PRKCE: variants seen among roughly 807,000 people sequenced by gnomAD.
PRKCE encodes the protein protein kinase C epsilon type.
PRKCE carries 16 observed loss-of-function variants against 85.4 expected under a neutral mutation model. That is an observed-to-expected ratio of 0.19 (90% CI 0.13 to 0.28). The LOEUF (loss-of-function observed/expected upper bound fraction) is 0.28. PRKCE is among the 10% of genes least tolerant of loss of function. The pLI, the probability that PRKCE is intolerant of heterozygous loss-of-function variation, is 1.00. For missense variants in PRKCE, 573 were observed against 975.2 expected, an observed-to-expected ratio of 0.59 and a Z score of 5.49; for synonymous variants, 388 against 371.5, an observed-to-expected ratio of 1.04 and a Z score of -0.51.
intron 2 of PRKCE, among the ~76,000 whole-genome samples, chr2:45,929,744 A>G (rs1223769184): frequency 6.6e-6 from 1 of 151,552 alleles, no homozygotes; most frequent in Non-Finnish European, 1.5e-5. Flanking sequence ...ACCTCATATA[A>G]TTATCTCTAA....
At chr2:46,110,649 GT>G (rs1291120917) in intron 11 of PRKCE, among the ~76,000 whole-genome samples, 1 of 151,070 alleles carries the variant, frequency 6.6e-6, no homozygotes, top group Non-Finnish European at 1.5e-5. Context: ...GCGGCTTTTG[GT>G]TTTATTAATT....
intron 10 of PRKCE, among the ~76,000 whole-genome samples, chr2:46,079,816 A>T (rs1668902667): frequency 6.6e-6 from 1 of 152,240 alleles, no homozygotes; most frequent in African/African-American, 2.4e-5. Context: ...TTCTCTTCAA[A>T]GACAGGAAAG....
chr2:46,182,552 C>A (rs1052684284), intron 14 of PRKCE, among the ~76,000 whole-genome samples: 1 of 152,182 alleles, frequency 6.6e-6, no homozygotes, highest in Non-Finnish European at 1.5e-5. Flanking sequence ...CTTGGGTTTT[C>A]TGTGTGTCCC....
chr2:45,774,973 G>A lies in PRKCE; in HGVS notation c.349-68027G>A, dbSNP rs1049655891. Among the ~76,000 whole-genome samples the A allele has an allele frequency of 6.6e-6, 1 of 151,840 alleles. No individual in the cohort carries two copies. Among genetic ancestry groups the A allele is most frequent in the Non-Finnish European group, 1.5e-5 (1 of 68,002 alleles). ...TAAACAGGATAGTAAAATGACAATA[G>A]CAGCGTAGACACTTCTCAGTTATTT... is the stretch of plus-strand genomic sequence containing the variant. On this transcript the variant is annotated intron_variant, in intron 1 of 14. Transcript: ENST00000306156. This position sits in a 1 kb window ranked among gnomAD's most constrained non-coding sequence, Gnocchi z 4.3.
chr2:45,714,996 C>A (rs1034321095), intron 1 of PRKCE, among the ~76,000 whole-genome samples: 1 of 152,216 alleles, frequency 6.6e-6, no homozygotes, highest in Non-Finnish European at 1.5e-5. Flanking sequence ...TCTGCAGGTT[C>A]CTCCTTAGGA....
intron 1 of PRKCE, among the ~76,000 whole-genome samples, chr2:45,799,979 A>T (rs1199044146): frequency 6.6e-6 from 1 of 152,206 alleles, no homozygotes; most frequent in Non-Finnish European, 1.5e-5. Flanking sequence ...CCTGGATTTG[A>T]GACTGTTTCC....
intron 10 of PRKCE, among the ~76,000 whole-genome samples, chr2:46,048,094 C>T (rs1257659419): frequency 3.4e-5 from 5 of 149,020 alleles, no homozygotes; most frequent in Non-Finnish European, 7.4e-5. Context: ...CACAAATGAG[C>T]CTGCCTGCCA....
chr2:45,681,737 CA>C (rs767557460), intron 1 of PRKCE, among the ~76,000 whole-genome samples: 9 of 152,184 alleles, frequency 5.9e-5, no homozygotes, highest in Non-Finnish European at 1.0e-4. Context: ...CACAAATAGA[CA>C]ATGCCTGTGG....
At chr2:45,909,398 G>T (rs1697216487) in intron 2 of PRKCE, among the ~76,000 whole-genome samples, 2 of 144,252 alleles carry the variant, frequency 1.4e-5, no homozygotes, top group African/African-American at 4.9e-5. Flanking sequence ...TGCCAGTACT[G>T]TGCATCATAA....
intron 11 of PRKCE, among the ~76,000 whole-genome samples, chr2:46,099,945 A>G (rs1671052414): frequency 6.6e-6 from 1 of 152,182 alleles, no homozygotes; most frequent in South Asian, 2.1e-4. Context: ...AGTGGAAAGA[A>G]TACAGAGTTA....
In PRKCE at chr2:45,651,929, T is replaced by G; in HGVS notation, c.-172T>G. On this transcript the variant is annotated 5_prime_UTR_variant, in exon 1 of 15. Coordinates refer to ENST00000306156, the MANE Select transcript of PRKCE (RefSeq NM_005400.3). ...GAACCCGGCGAGGAAATACATGCAC[T>G]GGCTGAGAATCGCCCGCGCCAGGGC... 1.8e-6 allele frequency: 1 copy of G among 556,360 alleles called. No homozygotes were observed. The highest frequency in any genetic ancestry group is 3.1e-6 in the Non-Finnish European group (1 of 318,248). 34.5% of individuals were successfully genotyped at this position (556,360 alleles called of 1,614,324 possible).
At chr2:45,868,911 T>C (rs34222258) in intron 2 of PRKCE, among the ~76,000 whole-genome samples, 6,291 of 150,066 alleles carry the variant, frequency 0.042, 166 homozygotes, top group Middle Eastern at 0.083. Flanking sequence ...TGAGCCAAGA[T>C]CGTGCCACTG....
chr2:45,866,882 C>T (rs1451616808), intron 2 of PRKCE, among the ~76,000 whole-genome samples: 2 of 152,124 alleles, frequency 1.3e-5, no homozygotes, highest in Non-Finnish European at 2.9e-5. Context: ...ATTGGCTATG[C>T]GTTAATAATT....
intron 10 of PRKCE, among the ~76,000 whole-genome samples, chr2:46,055,894 C>A (rs528038836): frequency 6.6e-6 from 1 of 152,202 alleles, no homozygotes; most frequent in Non-Finnish European, 1.5e-5. Flanking sequence ...AACTCCTGGG[C>A]TCAAATGATC....
chr2:45,654,192 G>T (rs1675275762), intron 1 of PRKCE, among the ~76,000 whole-genome samples: 2 of 152,238 alleles, frequency 1.3e-5, no homozygotes. Flanking sequence ...CAGCAGGTCT[G>T]CATTTATCCA....
intron 2 of PRKCE, among the ~76,000 whole-genome samples, chr2:45,919,316 ACT>A (rs1384769354): frequency 6.6e-6 from 1 of 152,098 alleles, no homozygotes; most frequent in African/African-American, 2.4e-5. Context: ...TGGGCCGTGG[ACT>A]CTGCAGGCTT....
intron 2 of PRKCE, among the ~76,000 whole-genome samples, chr2:45,860,678 C>G (rs183476480): frequency 3.4e-4 from 52 of 152,212 alleles, no homozygotes; most frequent in African/African-American, 1.2e-3. Context: ...GGAGTGAGGA[C>G]AGCAGAAGAT....
intron 2 of PRKCE, among the ~76,000 whole-genome samples, chr2:45,923,675 T>C (rs1698416187): frequency 6.6e-6 from 1 of 152,198 alleles, no homozygotes; most frequent in Non-Finnish European, 1.5e-5. Context: ...GATTAAGTGC[T>C]GACTTGTGCA....
chr2:46,128,887 G>T (rs994279857), intron 11 of PRKCE, among the ~76,000 whole-genome samples: 2 of 152,202 alleles, frequency 1.3e-5, no homozygotes, highest in African/African-American at 4.8e-5. Context: ...GTGGGCACTT[G>T]ACTCTGGAGC....
Sources: gnomAD v4.1 joint callset for allele counts (sites outside exome capture counted in the v4.1 genomes callset) on GRCh38, gnomAD v4.1.1 for gene constraint, Gnocchi (gnomAD v3.1) non-coding constraint, MANE v1.5 for transcripts, NCBI Gene and HGNC (gene_info 2026-07-23, HGNC 2026-07-21) for gene names.